The following ZNF438 variants were observed in gnomAD, a reference collection of about 807,000 sequenced individuals.
ZNF438 encodes zinc finger protein 438.
A neutral mutation model predicts 38.0 loss-of-function variants in ZNF438; 25 were observed. The observed-to-expected ratio is 0.66, with a 90% CI of 0.48 to 0.92. The LOEUF (loss-of-function observed/expected upper bound fraction) is 0.92. Among genes scored for constraint, ZNF438 ranks in the 40% least tolerant of loss-of-function variants. The pLI, the probability that ZNF438 is intolerant of heterozygous loss-of-function variation, is 0.00. For missense variants in ZNF438, 1,007 were observed against 999.6 expected (o/e 1.01, Z -0.10); for synonymous variants, 372 against 364.1 (o/e 1.02, Z -0.25).
At chr10:30,939,149 C>T (rs955167591) in intron 2 of ZNF438, among the ~76,000 whole-genome samples, 4 of 152,150 alleles carry the variant, frequency 2.6e-5, no homozygotes, top group Admixed American at 2.6e-4. Context: ...GCATTGACCA[C>T]AGTATTAAGC....
At chr10:30,960,752 T>A (rs1231590231) in intron 1 of ZNF438, among the ~76,000 whole-genome samples, 1 of 146,954 alleles carries the variant, frequency 6.8e-6, no homozygotes, top group African/African-American at 2.4e-5. Flanking sequence ...CCCACTGTAC[T>A]AAGTGTACTT....
chr10:31,026,548 T>G (rs1351490818), intron 1 of ZNF438, among the ~76,000 whole-genome samples: 1 of 152,134 alleles, frequency 6.6e-6, no homozygotes, highest in Non-Finnish European at 1.5e-5. Context: ...GAGATACCAT[T>G]TCACACCAGT....
intron 1 of ZNF438, among the ~76,000 whole-genome samples, chr10:31,013,097 A>G (rs1564847942): frequency 6.6e-6 from 1 of 152,142 alleles, no homozygotes; most frequent in Non-Finnish European, 1.5e-5. Flanking sequence ...AGGCGGGCGG[A>G]TCACGAGGTC....
intron 1 of ZNF438, among the ~76,000 whole-genome samples, chr10:31,019,194 C>G (rs1188399954): frequency 1.3e-5 from 2 of 152,200 alleles, no homozygotes; most frequent in African/African-American, 4.8e-5. Context: ...CTGTTCCAAA[C>G]CCTCCAGGGC....
rs764901465 is a variant in ZNF438 at position 30,850,125 on chromosome 10, G to C, written c.280C>G (p.Leu94Val). Residue 94 changes from leucine (L) to valine (V), a missense_variant, in exon 5 of 6, where the codon CTT becomes GTT. By Grantham distance (32) the Leu-to-Val change is conservative. Coordinates refer to ENST00000413025, the Ensembl canonical transcript of ZNF438. ...GAGGCAACATGTGGCAGAGCAACAAGAGAAAATGTCCCCTCCTGGCCAGCA... is the reference window on the plus strand; with the variant it reads ...GAGGCAACATGTGGCAGAGCAACAACAGAAAATGTCCCCTCCTGGCCAGCA... 3.1e-6 allele frequency: 5 copies of C among 1,614,040 alleles called. No individual in the cohort carries two copies. The South Asian group carries it at 3.3e-5, about 11-fold the overall frequency.
At chr10:31,006,787 G>GA (rs2055178008) in intron 1 of ZNF438, among the ~76,000 whole-genome samples, 1 of 120,844 alleles carries the variant, frequency 8.3e-6, no homozygotes, top group Non-Finnish European at 1.7e-5. Flanking sequence ...GCGGGGGGGG[G>GA]AACTCCCACA....
At chr10:30,846,368 A>T (rs1255521199) in intron 5 of ZNF438, among the ~76,000 whole-genome samples, 2 of 152,136 alleles carry the variant, frequency 1.3e-5, no homozygotes, top group Non-Finnish European at 2.9e-5. Context: ...CACCACCTGC[A>T]CCTTGCCTGC....
intron 4 of ZNF438, among the ~76,000 whole-genome samples, chr10:30,862,979 T>C (rs1440869881): frequency 6.6e-6 from 1 of 152,250 alleles, no homozygotes; most frequent in African/African-American, 2.4e-5. Context: ...CACTGTTTTA[T>C]AGTAGAGTTT....
At chr10:30,979,569 A>G (rs2051859515) in intron 1 of ZNF438, among the ~76,000 whole-genome samples, 1 of 152,256 alleles carries the variant, frequency 6.6e-6, no homozygotes, top group Non-Finnish European at 1.5e-5. Flanking sequence ...ACAGATACAT[A>G]GACCAATGGA....
intron 1 of ZNF438, among the ~76,000 whole-genome samples, chr10:31,010,846 T>C (rs1437425407): frequency 2.2e-5 from 3 of 139,024 alleles, no homozygotes; most frequent in Non-Finnish European, 3.0e-5. Flanking sequence ...TGAGCTATTA[T>C]TACACCACTG....
intron 3 of ZNF438, among the ~76,000 whole-genome samples, chr10:30,879,303 A>C (rs2038899893): frequency 6.6e-6 from 1 of 152,252 alleles, no homozygotes; most frequent in Admixed American, 6.5e-5. Context: ...TAAACTGTGC[A>C]TTTCTCTGGT....
intron 2 of ZNF438, among the ~76,000 whole-genome samples, chr10:30,938,201 A>G (rs2046448725): frequency 6.6e-6 from 1 of 152,080 alleles, no homozygotes; most frequent in African/African-American, 2.4e-5. Context: ...TGCTCCGCTC[A>G]GTAATGCTTT....
At chr10:30,892,380 T>C (rs1314674601) in intron 3 of ZNF438, among the ~76,000 whole-genome samples, 2 of 152,300 alleles carry the variant, frequency 1.3e-5, no homozygotes, top group Admixed American at 6.5e-5. Context: ...TGTAACAACA[T>C]ACAAAGGTTA....
At chr10:30,953,682 AACAT>A (rs2048521714) in intron 1 of ZNF438, among the ~76,000 whole-genome samples, 1 of 148,812 alleles carries the variant, frequency 6.7e-6, no homozygotes, top group Non-Finnish European at 1.5e-5. Context: ...AAAAAAAACA[AACAT>A]GTGGCATTGG....
At chr10:30,964,250 A>C (rs1227297972) in intron 1 of ZNF438, among the ~76,000 whole-genome samples, 1 of 152,168 alleles carries the variant, frequency 6.6e-6, no homozygotes, top group Non-Finnish European at 1.5e-5. Context: ...ACTCTTTTAT[A>C]CTCAAACCCC....
intron 1 of ZNF438, among the ~76,000 whole-genome samples, chr10:31,029,007 G>GT (rs1411733646): frequency 1.3e-5 from 2 of 152,130 alleles, no homozygotes; most frequent in African/African-American, 4.8e-5. Flanking sequence ...AAATAAATGG[G>GT]TATCTCCAAC....
chr10:30,882,622 T>A (rs982153588), intron 3 of ZNF438, among the ~76,000 whole-genome samples: 2 of 152,126 alleles, frequency 1.3e-5, no homozygotes, highest in African/African-American at 4.8e-5. Flanking sequence ...TTGCATAAGA[T>A]TTTAGAGACT....
intron 3 of ZNF438, among the ~76,000 whole-genome samples, chr10:30,888,999 TA>T (rs2040333432): frequency 6.6e-6 from 1 of 152,188 alleles, no homozygotes; most frequent in South Asian, 2.1e-4. Flanking sequence ...CAACAGTGTA[TA>T]AGCCATTTCC....
At chr10:30,987,036 C>T (rs1014384613) in intron 1 of ZNF438, among the ~76,000 whole-genome samples, 6 of 151,990 alleles carry the variant, frequency 3.9e-5, no homozygotes, top group Admixed American at 3.9e-4. Flanking sequence ...CACAGCTGTG[C>T]CCAAAACTGC....
Sources: gnomAD v4.1 joint callset for allele counts (sites outside exome capture counted in the v4.1 genomes callset) on GRCh38, gnomAD v4.1.1 for gene constraint, MANE v1.5 for transcripts, NCBI Gene and HGNC (gene_info 2026-07-23, HGNC 2026-07-21) for gene names.